Variants in PRKG1 observed in about 807,000 individuals in gnomAD.
PRKG1 encodes the protein protein kinase cGMP-dependent 1.
A neutral mutation model predicts 88.1 loss-of-function variants in PRKG1; 35 were observed. The ratio of observed to expected loss-of-function variants is 0.40; its 90% CI spans 0.30 to 0.53. The LOEUF (loss-of-function observed/expected upper bound fraction) is 0.53, where lower values mean the gene tolerates loss of function less well. PRKG1 is among the 20% of genes least tolerant of loss of function. The pLI is 0.59. For missense variants in PRKG1, 540 were observed against 839.8 expected, an observed-to-expected ratio of 0.64 and a Z score of 4.41; for synonymous variants, 303 against 292.5, an observed-to-expected ratio of 1.04 and a Z score of -0.37.
chr10:51,000,362 A>T (rs1402931887), intron 1 of PRKG1, among the ~76,000 whole-genome samples: 12 of 152,204 alleles, frequency 7.9e-5, no homozygotes, highest in Non-Finnish European at 5.9e-5. Flanking sequence ...TTGTCTTTTC[A>T]CAAGAGTATG....
intron 2 of PRKG1, among the ~76,000 whole-genome samples, chr10:51,323,317 G>A (rs987203922): frequency 2.0e-5 from 3 of 152,172 alleles, no homozygotes; most frequent in African/African-American, 7.2e-5. Flanking sequence ...CAAAAATCAA[G>A]GCAAGAAGTT....
At chr10:51,247,726 C>T (rs1190705591) in intron 2 of PRKG1, among the ~76,000 whole-genome samples, 1 of 151,908 alleles carries the variant, frequency 6.6e-6, no homozygotes, top group Admixed American at 6.6e-5. Context: ...CCACCTATAT[C>T]CCATATTGCT....
chr10:51,073,079 T>A (rs1327490750), upstream of PRKG1, among the ~76,000 whole-genome samples: 1 of 152,066 alleles, frequency 6.6e-6, no homozygotes, highest in Non-Finnish European at 1.5e-5. Flanking sequence ...ATTGGATGAG[T>A]TCGTAATGTC....
At chr10:51,661,312 AC>A (rs1366418852) in intron 3 of PRKG1, among the ~76,000 whole-genome samples, 1 of 152,138 alleles carries the variant, frequency 6.6e-6, no homozygotes, top group Non-Finnish European at 1.5e-5. Flanking sequence ...CATGAAATTA[AC>A]CAGTTATTTT....
intron 1 of PRKG1, among the ~76,000 whole-genome samples, chr10:51,001,588 G>C (rs760025380): frequency 2.0e-5 from 3 of 152,104 alleles, no homozygotes; most frequent in Non-Finnish European, 4.4e-5. Flanking sequence ...AAGGAGAAAA[G>C]AAGTATATTA....
chr10:51,736,806 T>TC (rs1223375004), intron 3 of PRKG1, among the ~76,000 whole-genome samples: 1 of 151,778 alleles, frequency 6.6e-6, no homozygotes, highest in Non-Finnish European at 1.5e-5. Context: ...TTTTAACTTT[T>TC]TTTTTTTTTT....
chr10:51,724,886 T>TG (rs1289282851), intron 3 of PRKG1, among the ~76,000 whole-genome samples: 1 of 150,712 alleles, frequency 6.6e-6, no homozygotes, highest in African/African-American at 2.4e-5. Flanking sequence ...TTTTTTTTTT[T>TG]TTTTGTAAAA....
chr10:51,126,059 T>G (rs1208860384), intron 1 of PRKG1, among the ~76,000 whole-genome samples: 1 of 122,960 alleles, frequency 8.1e-6, no homozygotes, highest in Non-Finnish European at 1.6e-5. Flanking sequence ...TATAATTATA[T>G]ATAATATACT....
chr10:51,023,804 G>T (rs925785558), intron 1 of PRKG1, among the ~76,000 whole-genome samples: 8 of 152,230 alleles, frequency 5.3e-5, no homozygotes, highest in South Asian at 4.1e-4. Context: ...AGATAACCCT[G>T]GTTATGCTCT....
chr10:52,225,182 G>C (rs1840361531), intron 9 of PRKG1, among the ~76,000 whole-genome samples: 1 of 152,092 alleles, frequency 6.6e-6, no homozygotes, highest in South Asian at 2.1e-4. Context: ...TATTCTTGCA[G>C]GAGTAAGGTG....
intron 4 of PRKG1, among the ~76,000 whole-genome samples, chr10:51,883,720 G>T (rs1403648144): frequency 6.6e-6 from 1 of 152,180 alleles, no homozygotes; most frequent in Non-Finnish European, 1.5e-5. Context: ...TTGGCAGCAT[G>T]TTTCTGCTGG....
Position 52,298,131 on chromosome 10 carries a change from C to T in PRKG1, c.*4231C>T, listed in dbSNP as rs1842418166. The stretch of plus-strand genomic sequence containing the variant: ...TTACAGCTATGGTTATTTGATTGTC[C>T]TCTTACAATTTGTTCTACATGAAAG... On this transcript the variant is annotated 3_prime_UTR_variant, in exon 18 of 18. Coordinates refer to ENST00000373980, the MANE Select transcript of PRKG1 (RefSeq NM_006258.4). 6.6e-6 allele frequency: 1 copy of T among 151,778 alleles called. No individual in the cohort carries two copies. The highest frequency in any genetic ancestry group is 2.4e-5 in the African/African-American group (1 of 41,294). 9.4% of individuals were successfully genotyped at this position (151,778 alleles called of 1,614,324 possible).
chr10:51,472,955 G>T lies in PRKG1; in HGVS notation c.592+5119G>T, dbSNP rs542934246. Among the ~76,000 whole-genome samples, 3 of 151,998 alleles carry T rather than the reference G, an allele frequency of 2.0e-5. No individual in the cohort carries two copies. In the South Asian group the frequency reaches 6.2e-4, roughly 31 times the overall value. On this transcript the variant is annotated intron_variant, in intron 3 of 17. Transcript: ENST00000373980. The stretch of plus-strand genomic sequence containing the variant: ...AGGGGAGAAGACACAAATTAAGTTT[G>T]GGCCAATGATGAGTGGAAACATGAC...
chr10:51,955,651 T>A (rs979896155), intron 5 of PRKG1, among the ~76,000 whole-genome samples: 11 of 152,178 alleles, frequency 7.2e-5, no homozygotes, highest in African/African-American at 2.7e-4. Flanking sequence ...TCTTTATGTC[T>A]GGAAATCGTT....
intron 3 of PRKG1, among the ~76,000 whole-genome samples, chr10:51,724,370 A>T (rs1842083075): frequency 6.6e-6 from 1 of 152,202 alleles, no homozygotes; most frequent in Non-Finnish European, 1.5e-5. Flanking sequence ...GGAAGAAGAT[A>T]GATTTCCTAT....
chr10:52,106,374 G>C (rs185909889), intron 7 of PRKG1, among the ~76,000 whole-genome samples: 1,531 of 152,190 alleles, frequency 0.01, 23 homozygotes, highest in African/African-American at 0.031. Flanking sequence ...AAGTGTGTCC[G>C]ATGTGATATT....
At chr10:52,243,786 C>T (rs1314353086) in intron 9 of PRKG1, among the ~76,000 whole-genome samples, 1 of 152,096 alleles carries the variant, frequency 6.6e-6, no homozygotes, top group Non-Finnish European at 1.5e-5. Flanking sequence ...AAGGTGCTTT[C>T]TAAATACAGA....
intron 3 of PRKG1, among the ~76,000 whole-genome samples, chr10:51,613,402 TTC>T (rs1838963184): frequency 6.6e-6 from 1 of 151,908 alleles, no homozygotes; most frequent in Non-Finnish European, 1.5e-5. Flanking sequence ...TATATGGGTC[TTC>T]TCTCTTCTTG....
chr10:51,671,456 T>C (rs1425987016), intron 3 of PRKG1, among the ~76,000 whole-genome samples: 1 of 152,194 alleles, frequency 6.6e-6, no homozygotes, highest in Non-Finnish European at 1.5e-5. Flanking sequence ...CTGTCCTAGT[T>C]TCTTTTTGCC....
Sources: allele counts gnomAD v4.1 joint callset (sites outside exome capture counted in the v4.1 genomes callset), GRCh38; gene constraint gnomAD v4.1.1; transcripts MANE v1.5; gene names NCBI Gene and HGNC (gene_info 2026-07-23, HGNC 2026-07-21).